B3GALT1: variants seen among roughly 807,000 people sequenced by gnomAD.
The protein encoded by B3GALT1 is UDP-Gal:betaGlcNAc beta 1,3-galactosyltransferase, polypeptide 1.
In B3GALT1, 10 loss-of-function variants were observed where a neutral mutation model predicts 23.2. The observed-to-expected ratio is 0.43, with a 90% CI of 0.27 to 0.73. B3GALT1 has a LOEUF of 0.73. B3GALT1 is among the 30% of genes least tolerant of loss of function. B3GALT1 has a pLI of 0.21. For synonymous variants in B3GALT1, 156 were observed against 141.5 expected, an observed-to-expected ratio of 1.10 and a Z score of -0.73; for missense variants, 299 against 405.4, an observed-to-expected ratio of 0.74 and a Z score of 2.25.
intron 3 of B3GALT1, among the ~76,000 whole-genome samples, chr2:167,665,775 T>C (rs2105477398): frequency 6.6e-6 from 1 of 152,366 alleles, no homozygotes; most frequent in Admixed American, 6.5e-5. Flanking sequence ...TATTCTCTGA[T>C]GGTAGTTTGT....
At chr2:167,328,331 G>C (rs946334291) in intron 1 of B3GALT1, among the ~76,000 whole-genome samples, 14 of 152,104 alleles carry the variant, frequency 9.2e-5, no homozygotes, top group African/African-American at 3.4e-4. Context: ...GTAGAATTTG[G>C]CAGTGAATTA....
intron 1 of B3GALT1, among the ~76,000 whole-genome samples, chr2:167,305,002 G>T (rs1440981366): frequency 6.6e-6 from 1 of 152,126 alleles, no homozygotes; most frequent in Non-Finnish European, 1.5e-5. Context: ...CACCCTCAAA[G>T]GATTGCATAA....
chr2:167,441,883 AT>A (rs547834384), intron 1 of B3GALT1, among the ~76,000 whole-genome samples: 74 of 149,964 alleles, frequency 4.9e-4, no homozygotes, highest in African/African-American at 1.7e-3. Context: ...AATTTAATTT[AT>A]TTTTTTTATT....
intron 4 of B3GALT1, among the ~76,000 whole-genome samples, chr2:167,841,960 C>T (rs1037138612): frequency 6.6e-6 from 1 of 152,196 alleles, no homozygotes; most frequent in African/African-American, 2.4e-5. Flanking sequence ...TACCTATTAA[C>T]TTGACTTCAT....
chr2:167,473,275 T>G (rs544564413), intron 1 of B3GALT1, among the ~76,000 whole-genome samples: 3 of 152,102 alleles, frequency 2.0e-5, no homozygotes, highest in Non-Finnish European at 4.4e-5. Context: ...GGAAGATATT[T>G]TACTCTCTTA....
chr2:167,434,125 T>G (rs563888667), intron 1 of B3GALT1, among the ~76,000 whole-genome samples: 1 of 152,310 alleles, frequency 6.6e-6, no homozygotes, highest in African/African-American at 2.4e-5. Context: ...ATAAAATTAA[T>G]TTTAAAAGAC....
chr2:167,422,236 G>A (rs1404393826), intron 1 of B3GALT1, among the ~76,000 whole-genome samples: 2 of 122,752 alleles, frequency 1.6e-5, no homozygotes, highest in African/African-American at 3.0e-5. Context: ...CGCCCTTCCC[G>A]TCTCCCTCTC....
At chr2:167,483,198 C>A (rs1673040438) in intron 1 of B3GALT1, among the ~76,000 whole-genome samples, 1 of 152,046 alleles carries the variant, frequency 6.6e-6, no homozygotes, top group South Asian at 2.1e-4. Flanking sequence ...AAGGCTGAGG[C>A]AGGAGAATCA....
At chr2:167,716,550 C>T (rs1574228184) in intron 3 of B3GALT1, among the ~76,000 whole-genome samples, 1 of 152,062 alleles carries the variant, frequency 6.6e-6, no homozygotes, top group East Asian at 1.9e-4. Flanking sequence ...ATTTGGCCTG[C>T]CCTGTATTGG....
chr2:167,573,811 G>C (rs895050645), intron 2 of B3GALT1, among the ~76,000 whole-genome samples: 3 of 151,548 alleles, frequency 2.0e-5, no homozygotes, highest in African/African-American at 7.3e-5. Flanking sequence ...ATTGGCTTAT[G>C]GGGGGCAGTC....
chr2:167,566,362 G>A (rs1465851545), intron 2 of B3GALT1, among the ~76,000 whole-genome samples: 1 of 148,488 alleles, frequency 6.7e-6, no homozygotes, highest in African/African-American at 2.6e-5. Context: ...GGGGTGGGGG[G>A]AGAGGGGAGG....
intron 2 of B3GALT1, among the ~76,000 whole-genome samples, chr2:167,564,038 T>G (rs1392365706): frequency 6.9e-6 from 1 of 143,974 alleles, no homozygotes; most frequent in East Asian, 2.3e-4. Context: ...AGGTGGCTGC[T>G]GGGAGGAGAC....
intron 2 of B3GALT1, among the ~76,000 whole-genome samples, chr2:167,580,009 C>T (rs1359755933): frequency 1.3e-5 from 2 of 152,130 alleles, no homozygotes; most frequent in Non-Finnish European, 2.9e-5. Flanking sequence ...TAGGTTAATG[C>T]TTCCCAGATG....
chr2:167,753,589 T>A (rs1687772555), intron 3 of B3GALT1, among the ~76,000 whole-genome samples: 2 of 152,150 alleles, frequency 1.3e-5, no homozygotes, highest in African/African-American at 4.8e-5. Flanking sequence ...AGCCACCTCA[T>A]TCCTCCTCCT....
intron 2 of B3GALT1, among the ~76,000 whole-genome samples, chr2:167,511,792 A>G (rs1017654391): frequency 3.0e-4 from 45 of 152,204 alleles, no homozygotes; most frequent in African/African-American, 1.1e-3. Context: ...TCATCTAAAT[A>G]GAAGATGAAA....
At chr2:167,846,800 T>C (rs559551247) in intron 4 of B3GALT1, among the ~76,000 whole-genome samples, 2 of 152,316 alleles carry the variant, frequency 1.3e-5, no homozygotes, top group East Asian at 3.9e-4. Context: ...AATCCTCCAC[T>C]TAAAAGATAC....
chr2:167,491,807 T>C (rs1699714432), intron 2 of B3GALT1, among the ~76,000 whole-genome samples: 1 of 149,870 alleles, frequency 6.7e-6, no homozygotes. Context: ...AGAGCAAGAC[T>C]CCATCTCAAA....
At chr2:167,394,711 G>A (rs1416250811) in intron 1 of B3GALT1, among the ~76,000 whole-genome samples, 6 of 152,124 alleles carry the variant, frequency 3.9e-5, no homozygotes, top group Admixed American at 3.3e-4. Context: ...TGCTCCCAAA[G>A]GAAGGTGGAA....
intron 1 of B3GALT1, among the ~76,000 whole-genome samples, chr2:167,470,276 T>A (rs1327688278): frequency 2.0e-5 from 3 of 152,174 alleles, no homozygotes; most frequent in Non-Finnish European, 2.9e-5. Context: ...TACTGTCAGA[T>A]CATTCCAGAA....
Sources: allele counts gnomAD v4.1 joint callset (sites outside exome capture counted in the v4.1 genomes callset), GRCh38; gene constraint gnomAD v4.1.1; transcripts MANE v1.5; gene names NCBI Gene and HGNC (gene_info 2026-07-23, HGNC 2026-07-21).